Variants in GREB1L observed in about 807,000 individuals in gnomAD.
GREB1L encodes GREB1-like protein.
GREB1L carries 17 observed loss-of-function variants against 200.8 expected under a neutral mutation model. The observed-to-expected ratio is 0.08, with a 90% CI of 0.06 to 0.13. The LOEUF is 0.13. Ranked by LOEUF, GREB1L falls within the 10% of genes least tolerant of loss-of-function variation. The probability of loss-of-function intolerance (pLI) is 1.00; values close to 1 mark genes in which losing one functional copy is unlikely to be tolerated. For missense variants in GREB1L, 1,657 were observed against 2,367.7 expected (o/e 0.70, Z 6.23); for synonymous variants, 789 against 893.0 (o/e 0.88, Z 2.08).
chr18:21,480,890 G>T (rs2035888535), intron 17 of GREB1L, among the ~76,000 whole-genome samples: 1 of 151,870 alleles, frequency 6.6e-6, no homozygotes, highest in Non-Finnish European at 1.5e-5. Flanking sequence ...CGTGGTGGCG[G>T]GCAACTGTAA....
intron 7 of GREB1L, 43 bp downstream of exon 7, chr18:21,404,037 A>G: frequency 6.6e-7 from 1 of 1,512,694 alleles, no homozygotes; most frequent in Non-Finnish European, 9.0e-7. Flanking sequence ...TCACATGTAT[A>G]TTTAATGAGA....
At chr18:21,406,603 T>G (rs1212128140) in intron 7 of GREB1L, among the ~76,000 whole-genome samples, 2 of 152,244 alleles carry the variant, frequency 1.3e-5, no homozygotes, top group African/African-American at 4.8e-5. Flanking sequence ...TTGCAAATAT[T>G]AGCATGTGCA....
At chr18:21,468,916 A>G in intron 15 of GREB1L, 1 of 407,750 alleles carries the variant, frequency 2.5e-6, no homozygotes, top group Non-Finnish European at 4.9e-6. Context: ...AAACCACAAA[A>G]GTGATACTGT....
chr18:21,477,310 G>T lies in GREB1L; in HGVS notation c.2510G>T (p.Arg837Leu), dbSNP rs1297427942. 1.9e-6 allele frequency: 3 copies of T among 1,551,326 alleles called. No individual in the cohort carries two copies. The highest frequency in any genetic ancestry group is 2.4e-5 in the South Asian group (2 of 84,008). The change falls in exon 17 of 33, where the codon CGC (arginine) becomes CTC (leucine). Residue 837 changes from arginine (R) to leucine (L), a missense_variant. Around this residue, in one of 9 missense-constraint regions of GREB1L, gnomAD observed 239 missense variants for 421.8 expected, o/e 0.57. Coordinates refer to ENST00000424526, the MANE Select transcript of GREB1L (RefSeq NM_001142966.3). The stretch of plus-strand genomic sequence containing the variant: ...TACACTCTGCAGACCCAACAGTCCC[G>T]CATTAGCTCTAGCAATGAGGTTCAC... ...FPYTLQTQQS[R>L]ISSSNEVHWI... is the part of the protein sequence containing the mutation.
chr18:21,384,454 G>T lies in GREB1L; in HGVS notation c.355+51G>T, dbSNP rs2040452754. The T allele has an allele frequency of 3.6e-6, 5 of 1,390,662 alleles. No individual in the cohort carries two copies. In the African/African-American group the frequency reaches 5.8e-5, roughly 16 times the overall value. 86.1% of individuals were successfully genotyped at this position (1,390,662 alleles called of 1,614,324 possible). On this transcript the variant is annotated intron_variant, in intron 4 of 32. Transcript: ENST00000424526. ...TGCTATTTTGTCTCTAATATTGTCT[G>T]ACATATTTCTAATTATTACATGAGG...
chr18:21,316,731 C>T (rs2038874289), intron 1 of GREB1L: 1 of 151,102 alleles, frequency 6.6e-6, no homozygotes. Flanking sequence ...TGTATTGTCA[C>T]CAGTGTTACC....
intron 6 of GREB1L, 136 bp downstream of exon 6, chr18:21,401,462 C>A: frequency 1.5e-6 from 1 of 684,830 alleles, no homozygotes; most frequent in Non-Finnish European, 2.3e-6. Context: ...AAATTTAAAG[C>A]CTTCTGGTAG....
Position 21,508,211 on chromosome 18 carries a change from A to G in GREB1L, c.4462A>G (p.Ser1488Gly), listed in dbSNP as rs1440130449. The G allele has an allele frequency of 6.4e-7, 1 of 1,551,674 alleles. No homozygotes were observed. Among genetic ancestry groups the G allele is most frequent in the Non-Finnish European group, 8.7e-7 (1 of 1,146,978 alleles). The change falls in exon 26 of 33, where the codon AGT (serine) becomes GGT (glycine). Residue 1488 changes from serine to glycine, a missense_variant. Physicochemically the swap from Ser to Gly is moderately conservative, Grantham distance 56 (BLOSUM62 0). This residue lies in a region of GREB1L where 512 missense variants were observed against 668.3 expected (regional missense o/e 0.77). Coordinates refer to ENST00000424526, the MANE Select transcript of GREB1L (RefSeq NM_001142966.3). ...LYFIIPKSKE[S>G]HFVFSKQGKH... ...TTTCATCATTCCCAAATCCAAAGAG[A>G]GTCATTTTGTCTTCAGCAAGCAGGG...
intron 7 of GREB1L, among the ~76,000 whole-genome samples, chr18:21,438,960 CAAAAAAA>C (rs59125788): frequency 4.6e-5 from 3 of 64,682 alleles, no homozygotes; most frequent in Non-Finnish European, 1.0e-4. Context: ...GACTCTGTCT[CAAAAAAA>C]AAAAAAAAAA....
chr18:21,442,044 G>A (rs1024316931), intron 10 of GREB1L, among the ~76,000 whole-genome samples: 13 of 152,326 alleles, frequency 8.5e-5, no homozygotes, highest in African/African-American at 2.9e-4. Context: ...AGCCAAGCCA[G>A]CTGAAAGACC....
At chr18:21,292,562 G>A (rs1441032098) in intron 1 of GREB1L, among the ~76,000 whole-genome samples, 1 of 152,138 alleles carries the variant, frequency 6.6e-6, no homozygotes, top group Non-Finnish European at 1.5e-5. Flanking sequence ...TATTTTCTGT[G>A]TTTGTGGGTT....
At chr18:21,421,822 A>G (rs971807928) in intron 7 of GREB1L, among the ~76,000 whole-genome samples, 9 of 152,164 alleles carry the variant, frequency 5.9e-5, no homozygotes, top group East Asian at 1.9e-4. Context: ...TTGGCTCCCT[A>G]TGTTTTGGAA....
chr18:21,271,967 A>G (rs2038086709), intron 1 of GREB1L, among the ~76,000 whole-genome samples: 1 of 152,186 alleles, frequency 6.6e-6, no homozygotes, highest in Admixed American at 6.5e-5. Context: ...CACCCCAAAC[A>G]AAACTGGAGT....
chr18:21,399,725 C>A (rs2144492974), intron 5 of GREB1L, among the ~76,000 whole-genome samples: 2 of 152,176 alleles, frequency 1.3e-5, no homozygotes, highest in Middle Eastern at 3.4e-3. Flanking sequence ...TGTGATTGAC[C>A]AGAGGTTATG....
At chr18:21,521,593 T>G (rs2037600052) in intron 32 of GREB1L, among the ~76,000 whole-genome samples, 1 of 152,052 alleles carries the variant, frequency 6.6e-6, no homozygotes, top group South Asian at 2.1e-4. Flanking sequence ...GAGTGGTAGA[T>G]TTTGCCTCCC....
At chr18:21,395,324 A>C in intron 4 of GREB1L, 61 bp from the exon 5 acceptor site, 1 of 1,258,652 alleles carries the variant, frequency 7.9e-7, no homozygotes, top group Non-Finnish European at 1.1e-6. Context: ...CAAATGAGTG[A>C]TAAGAAGATA....
intron 16 of GREB1L, among the ~76,000 whole-genome samples, chr18:21,475,262 C>G (rs1210438785): frequency 6.6e-6 from 1 of 152,162 alleles, no homozygotes; most frequent in Non-Finnish European, 1.5e-5. Context: ...TTGCCCTTCT[C>G]CCCTCTTGCC....
intron 1 of GREB1L, among the ~76,000 whole-genome samples, chr18:21,245,875 G>T (rs1273953855): frequency 6.6e-6 from 1 of 151,918 alleles, no homozygotes; most frequent in Admixed American, 6.6e-5. Flanking sequence ...CTGCCACCAC[G>T]CCTGGCTAAT....
rs561720231 is a variant in GREB1L at position 21,384,190 on chromosome 18, T to C, written c.158-16T>C. The C allele has an allele frequency of 8.7e-6, 13 of 1,497,932 alleles. No homozygotes were observed. The African/African-American group carries it at 1.4e-4, about 16-fold the overall frequency. The allele number at this position is 1,497,932 out of a possible 1,614,324, so 92.8% of individuals were successfully genotyped here. A position where few individuals can be genotyped will look rare whatever the true frequency, so the allele number is the denominator to read the frequency against. ...ATCTTTTTATTAAATCTGCTGTGATTTATTTGCTTACCCAGATGTCAAACC... is the reference window on the plus strand; with the variant it reads ...ATCTTTTTATTAAATCTGCTGTGATCTATTTGCTTACCCAGATGTCAAACC... On this transcript the variant is annotated splice_polypyrimidine_tract_variant and intron_variant, in intron 3 of 32. Coordinates refer to ENST00000424526, the MANE Select transcript of GREB1L (RefSeq NM_001142966.3).
Sources: gnomAD v4.1 joint callset for allele counts (sites outside exome capture counted in the v4.1 genomes callset) on GRCh38, gnomAD v4.1.1 for gene constraint, gnomAD v4.1.1 regional missense constraint, MANE v1.5 for transcripts, NCBI Gene and HGNC (gene_info 2026-07-23, HGNC 2026-07-21) for gene names.